FUT9: variants seen among roughly 807,000 people sequenced by gnomAD.
The protein encoded by FUT9 is 4-galactosyl-N-acetylglucosaminide 3-alpha-L-fucosyltransferase 9.
A neutral mutation model predicts 29.7 loss-of-function variants in FUT9; 15 were observed. The observed-to-expected ratio is 0.51, with a 90% CI of 0.34 to 0.78. The LOEUF (loss-of-function observed/expected upper bound fraction) is 0.78, where lower values mean the gene tolerates loss of function less well. FUT9 is among the 30% of genes least tolerant of loss of function. The probability of loss-of-function intolerance (pLI) is 0.01; values close to 1 mark genes in which losing one functional copy is unlikely to be tolerated. For synonymous variants in FUT9, 169 were observed against 153.7 expected (o/e 1.10, Z -0.74); for missense variants, 319 against 425.4 (o/e 0.75, Z 2.20).
intron 2 of FUT9, among the ~76,000 whole-genome samples, chr6:96,189,822 C>T (rs1223031643): frequency 6.6e-5 from 10 of 152,060 alleles, no homozygotes; most frequent in African/African-American, 1.4e-4. Context: ...GATGGGGCTC[C>T]GGAATACAGC....
intron 2 of FUT9, among the ~76,000 whole-genome samples, chr6:96,175,169 G>A (rs1402607820): frequency 1.3e-5 from 2 of 152,020 alleles, no homozygotes; most frequent in South Asian, 4.2e-4. Flanking sequence ...AAAGCTAAAG[G>A]AATATCTTGT....
chr6:96,126,143 T>C lies in FUT9; in HGVS notation c.-9+12016T>C, dbSNP rs573248912. ...CCTCTGTATGTTTCATTAGTCTGTT[T>C]TACATTGCTGTAAAGGACTACCTGA... On this transcript the variant is annotated intron_variant, in intron 2 of 2. Coordinates refer to ENST00000302103, the MANE Select transcript of FUT9 (RefSeq NM_006581.4). 2.0e-5 allele frequency among the ~76,000 whole-genome samples: 3 copies of C among 152,302 alleles called. No individual in the cohort carries two copies. The South Asian group carries it at 6.2e-4, about 32-fold the overall frequency.
At chr6:96,107,705 A>G (rs1056141343) in intron 1 of FUT9, among the ~76,000 whole-genome samples, 9 of 152,192 alleles carry the variant, frequency 5.9e-5, no homozygotes, top group African/African-American at 1.2e-4. Flanking sequence ...ATGTTTGTCA[A>G]TGGTCCTAAG....
chr6:96,109,304 T>C (rs1184638642), intron 1 of FUT9, among the ~76,000 whole-genome samples: 1 of 152,186 alleles, frequency 6.6e-6, no homozygotes, highest in African/African-American at 2.4e-5. Flanking sequence ...CTCCATTTGG[T>C]CATTTCTTTG....
At chr6:96,120,448 AT>A (rs1385562525) in intron 2 of FUT9, among the ~76,000 whole-genome samples, 1 of 146,648 alleles carries the variant, frequency 6.8e-6, no homozygotes, top group Non-Finnish European at 1.5e-5. Flanking sequence ...TTTTTTTTTA[AT>A]TTTTTTTTTA....
chr6:96,093,347 T>C (rs1389606738), intron 1 of FUT9, among the ~76,000 whole-genome samples: 2 of 152,164 alleles, frequency 1.3e-5, no homozygotes, highest in Non-Finnish European at 2.9e-5. Context: ...TAGCTTTCTC[T>C]TGATAATTCC....
At chr6:96,100,992 C>T (rs1419370784) in intron 1 of FUT9, among the ~76,000 whole-genome samples, 1 of 152,132 alleles carries the variant, frequency 6.6e-6, no homozygotes, top group African/African-American at 2.4e-5. Flanking sequence ...AAGATTTCTA[C>T]TTAGTACATT....
At chr6:96,025,477 T>C (rs1770151558) in intron 1 of FUT9, among the ~76,000 whole-genome samples, 2 of 151,796 alleles carry the variant, frequency 1.3e-5, no homozygotes, top group Non-Finnish European at 2.9e-5. Context: ...TTTATCTTCC[T>C]GAAATTTTTC....
chr6:96,124,430 G>A (rs1227671290), intron 2 of FUT9, among the ~76,000 whole-genome samples: 4 of 152,010 alleles, frequency 2.6e-5, no homozygotes, highest in East Asian at 1.9e-4. Context: ...GATTACAGGC[G>A]TGAGCCACTG....
At chr6:96,123,499 A>G (rs1271200929) in intron 2 of FUT9, among the ~76,000 whole-genome samples, 1 of 152,186 alleles carries the variant, frequency 6.6e-6, no homozygotes, top group Non-Finnish European at 1.5e-5. Flanking sequence ...TCTTCAGGTG[A>G]GAATTCCTTT....
chr6:96,077,233 C>G (rs1435466911), intron 1 of FUT9, among the ~76,000 whole-genome samples: 1 of 152,158 alleles, frequency 6.6e-6, no homozygotes, highest in Non-Finnish European at 1.5e-5. Flanking sequence ...CCCACCAACA[C>G]ACACACATAC....
At chr6:96,089,575 T>G (rs1480040872) in intron 1 of FUT9, among the ~76,000 whole-genome samples, 1 of 152,228 alleles carries the variant, frequency 6.6e-6, no homozygotes, top group Non-Finnish European at 1.5e-5. Flanking sequence ...TCCTGCATTG[T>G]GACCAAAAAG....
At chr6:96,100,202 T>C (rs1233345135) in intron 1 of FUT9, among the ~76,000 whole-genome samples, 1 of 151,356 alleles carries the variant, frequency 6.6e-6, no homozygotes, top group Non-Finnish European at 1.5e-5. Flanking sequence ...AAGGAATTAT[T>C]ACTTGGAATT....
intron 2 of FUT9, among the ~76,000 whole-genome samples, chr6:96,177,408 C>A (rs192084466): frequency 6.6e-6 from 1 of 152,026 alleles, no homozygotes; most frequent in Non-Finnish European, 1.5e-5. Flanking sequence ...TCCCCTACAA[C>A]AGTCCTCCTA....
chr6:96,102,541 G>T (rs1582230680), intron 1 of FUT9, among the ~76,000 whole-genome samples: 1 of 152,036 alleles, frequency 6.6e-6, no homozygotes, highest in South Asian at 2.1e-4. Flanking sequence ...TCTCAAAGCT[G>T]ACCCAAATGG....
At chr6:96,103,235 G>A (rs925486376) in intron 1 of FUT9, among the ~76,000 whole-genome samples, 1 of 152,132 alleles carries the variant, frequency 6.6e-6, no homozygotes, top group African/African-American at 2.4e-5. Flanking sequence ...GCGCGTGTGT[G>A]TATATGCATA....
At chr6:96,196,990 G>C (rs1398940330) in intron 2 of FUT9, among the ~76,000 whole-genome samples, 1 of 152,138 alleles carries the variant, frequency 6.6e-6, no homozygotes, top group African/African-American at 2.4e-5. Context: ...CCTTGGGAAA[G>C]AGGGATTCTA....
intron 1 of FUT9, among the ~76,000 whole-genome samples, chr6:96,032,530 AC>A (rs1186647350): frequency 6.6e-6 from 1 of 151,406 alleles, no homozygotes; most frequent in African/African-American, 2.4e-5. Context: ...TATCTGAGTA[AC>A]TCTAGAGTAC....
intron 1 of FUT9, among the ~76,000 whole-genome samples, chr6:96,096,903 G>T (rs1771506516): frequency 6.6e-6 from 1 of 151,946 alleles, no homozygotes; most frequent in African/African-American, 2.4e-5. Context: ...TAAGCTCAAT[G>T]AGGGGAGGAA....
Sources: allele counts gnomAD v4.1 joint callset (sites outside exome capture counted in the v4.1 genomes callset), GRCh38; gene constraint gnomAD v4.1.1; transcripts MANE v1.5; gene names NCBI Gene and HGNC (gene_info 2026-07-23, HGNC 2026-07-21).